The following TDRD3 variants were observed in gnomAD, a reference collection of about 807,000 sequenced individuals.
TDRD3 encodes the protein tudor domain containing 3, also known as tudor domain-containing protein 3.
In TDRD3, 45 loss-of-function variants were observed where a neutral mutation model predicts 86.7. The ratio of observed to expected loss-of-function variants is 0.52; its 90% CI spans 0.41 to 0.67. The LOEUF (loss-of-function observed/expected upper bound fraction) is 0.67, where lower values mean the gene tolerates loss of function less well. TDRD3 is among the 30% of genes least tolerant of loss of function. The pLI, the probability that TDRD3 is intolerant of heterozygous loss-of-function variation, is 0.00. For synonymous variants in TDRD3, 298 were observed against 301.7 expected (o/e 0.99, Z 0.13); for missense variants, 814 against 889.0 (o/e 0.92, Z 1.07).
At chr13:60,504,885 A>G (rs1956903235) in intron 8 of TDRD3, among the ~76,000 whole-genome samples, 1 of 152,200 alleles carries the variant, frequency 6.6e-6, no homozygotes, top group Admixed American at 6.5e-5. Flanking sequence ...GTATTGTGCC[A>G]TGAGGAATAG....
Position 60,460,545 on chromosome 13 carries a change from T to C in TDRD3, c.353+5T>C. ...TAGTTATATGTCAAAAATAAGGTGA[T>C]TGGCACTTTATTTTGTGTATTTGTT... On this transcript the variant is annotated splice_donor_5th_base_variant and intron_variant, in intron 4 of 13. Transcript: ENST00000377881. The C allele has an allele frequency of 6.5e-7, 1 of 1,532,668 alleles. No homozygotes were observed. The highest frequency in any genetic ancestry group is 1.3e-5 in the South Asian group (1 of 77,206). 94.9% of individuals were successfully genotyped at this position (1,532,668 alleles called of 1,614,324 possible). A position where few individuals can be genotyped will look rare whatever the true frequency, so the allele number is the denominator to read the frequency against.
chr13:60,452,612 G>C (rs945784153), intron 3 of TDRD3, among the ~76,000 whole-genome samples: 1 of 151,868 alleles, frequency 6.6e-6, no homozygotes, highest in African/African-American at 2.4e-5. Flanking sequence ...TAGGATAATC[G>C]ATAACATAGC....
At chr13:60,509,472 G>A in intron 8 of TDRD3, 1 of 260,352 alleles carries the variant, frequency 3.8e-6, no homozygotes, top group Non-Finnish European at 7.4e-6. Flanking sequence ...TCTCCTCACT[G>A]TCTATATTAT....
chr13:60,501,737 A>C (rs1595031739), intron 8 of TDRD3, among the ~76,000 whole-genome samples: 1 of 152,328 alleles, frequency 6.6e-6, no homozygotes, highest in South Asian at 2.1e-4. Flanking sequence ...TCTTTTAAAC[A>C]ACCAACTATT....
intron 4 of TDRD3, among the ~76,000 whole-genome samples, chr13:60,464,687 G>T (rs1053794686): frequency 6.6e-6 from 1 of 152,114 alleles, no homozygotes; most frequent in African/African-American, 2.4e-5. Flanking sequence ...ATTGTATTAA[G>T]TGAAATAAAC....
At chr13:60,409,655 AACAGCTGTATTT>A (rs1296893049) in intron 1 of TDRD3, among the ~76,000 whole-genome samples, 1 of 152,074 alleles carries the variant, frequency 6.6e-6, no homozygotes, top group East Asian at 1.9e-4. Flanking sequence ...ACCCATTTGG[AACAGCTGTATTT>A]ACCCAATACC....
intron 12 of TDRD3, chr13:60,537,233 G>A (rs375978575): frequency 1.2e-4 from 18 of 152,028 alleles, no homozygotes; most frequent in Non-Finnish European, 1.5e-4. Flanking sequence ...ATGAATTTGC[G>A]TAGGTTACTA....
chr13:60,573,835 T>A lies in TDRD3; in HGVS notation c.*229T>A, dbSNP rs1958641771. 2.2e-5 allele frequency: 4 copies of A among 181,724 alleles called. No individual in the cohort carries two copies. 11.3% of individuals were successfully genotyped at this position (181,724 alleles called of 1,614,324 possible). A position where few individuals can be genotyped will look rare whatever the true frequency, so the allele number is the denominator to read the frequency against. The stretch of plus-strand genomic sequence containing the variant: ...TACCTTTTACAAGTGAAAGGAAGAA[T>A]TTTTCTTCTGCCGTCAATAAAACCA... On this transcript the variant is annotated 3_prime_UTR_variant, in exon 14 of 14. Coordinates refer to ENST00000377881, the MANE Select transcript of TDRD3 (RefSeq NM_001146070.2).
intron 1 of TDRD3, among the ~76,000 whole-genome samples, chr13:60,432,891 G>A (rs551261764): frequency 2.0e-5 from 3 of 151,566 alleles, no homozygotes; most frequent in Non-Finnish European, 3.0e-5. Flanking sequence ...TATCATGTGC[G>A]GGGGCTAGTA....
At chr13:60,454,630 C>G (rs1955624918) in intron 3 of TDRD3, among the ~76,000 whole-genome samples, 1 of 152,056 alleles carries the variant, frequency 6.6e-6, no homozygotes, top group Non-Finnish European at 1.5e-5. Flanking sequence ...GTTAACTTTG[C>G]CCCTTGGCCA....
intron 12 of TDRD3, 129 bp from the exon 13 acceptor site, chr13:60,567,396 A>C (rs1958485083): frequency 8.5e-7 from 1 of 1,179,192 alleles, no homozygotes; most frequent in South Asian, 1.4e-5. Context: ...CTCTGTTGTA[A>C]AAGTTGACAT....
At chr13:60,446,088 C>G (rs1955390354) in intron 3 of TDRD3, among the ~76,000 whole-genome samples, 1 of 152,126 alleles carries the variant, frequency 6.6e-6, no homozygotes, top group African/African-American at 2.4e-5. Context: ...ATTCTTAATG[C>G]AAATGTAACT....
rs1185952212 is a variant in TDRD3 at position 60,460,463 on chromosome 13, A to G, written c.276A>G (p.Pro92=). 1 of 1,597,968 alleles carries G rather than the reference A, an allele frequency of 6.3e-7. No individual in the cohort carries two copies. Among genetic ancestry groups the G allele is most frequent in the Non-Finnish European group, 8.5e-7 (1 of 1,175,850 alleles). Residue 92 remains proline, a synonymous_variant, in exon 4 of 14, where the codon CCA becomes CCG. Coordinates refer to ENST00000377881, the MANE Select transcript of TDRD3 (RefSeq NM_001146070.2). ...ATAATGAAGAATCTCAGGCTGCACC[A>G]AGGATGCTGCGATTACAGATGACTG... ...PKDNEESQAA[P]RMLRLQMTDG...
chr13:60,470,031 A>G (rs1956042461), intron 5 of TDRD3, among the ~76,000 whole-genome samples: 1 of 152,242 alleles, frequency 6.6e-6, no homozygotes, highest in Non-Finnish European at 1.5e-5. Flanking sequence ...CCCATTAAAC[A>G]GTAACTCTGC....
chr13:60,549,756 A>T (rs1958006949), intron 12 of TDRD3, among the ~76,000 whole-genome samples: 1 of 152,084 alleles, frequency 6.6e-6, no homozygotes, highest in Non-Finnish European at 1.5e-5. Flanking sequence ...CTATTGACTT[A>T]TCTGTCTATT....
chr13:60,502,001 G>T (rs1417796163), intron 8 of TDRD3, among the ~76,000 whole-genome samples: 2 of 152,206 alleles, frequency 1.3e-5, no homozygotes, highest in Non-Finnish European at 2.9e-5. Context: ...GTGGTAACGT[G>T]TATAACCCTA....
chr13:60,426,853 A>G (rs1265324454), intron 1 of TDRD3, among the ~76,000 whole-genome samples: 2 of 152,212 alleles, frequency 1.3e-5, no homozygotes, highest in Non-Finnish European at 2.9e-5. Context: ...GGAACGTCAC[A>G]GAGTGTTCTT....
chr13:60,552,915 G>A (rs1958099596), intron 12 of TDRD3, among the ~76,000 whole-genome samples: 1 of 152,206 alleles, frequency 6.6e-6, no homozygotes, highest in South Asian at 2.1e-4. Flanking sequence ...AAGTTCTGGG[G>A]CTGCACAGAG....
intron 5 of TDRD3, among the ~76,000 whole-genome samples, chr13:60,468,424 T>C (rs994310726): frequency 6.6e-6 from 1 of 152,194 alleles, no homozygotes; most frequent in Non-Finnish European, 1.5e-5. Context: ...TGTTTCCTTA[T>C]TGAATTCTTT....
Sources: allele counts gnomAD v4.1 joint callset (sites outside exome capture counted in the v4.1 genomes callset), GRCh38; gene constraint gnomAD v4.1.1; transcripts MANE v1.5; gene names NCBI Gene and HGNC (gene_info 2026-07-23, HGNC 2026-07-21).